The following KCNH7 variants were observed in gnomAD, a reference collection of about 807,000 sequenced individuals.
KCNH7 encodes potassium voltage-gated channel subfamily H member 7.
In KCNH7, 49 loss-of-function variants were observed where a neutral mutation model predicts 120.8. That is an observed-to-expected ratio of 0.41 (90% CI 0.32 to 0.51). The LOEUF is 0.51. Ranked by LOEUF, KCNH7 falls within the 20% of genes least tolerant of loss-of-function variation. The pLI is 0.38. For missense variants in KCNH7, 1,097 were observed against 1,446.6 expected, an observed-to-expected ratio of 0.76 and a Z score of 3.92; for synonymous variants, 547 against 516.1, an observed-to-expected ratio of 1.06 and a Z score of -0.81.
intron 2 of KCNH7, among the ~76,000 whole-genome samples, chr2:162,721,426 C>T (rs568005136): frequency 6.6e-6 from 1 of 152,058 alleles, no homozygotes; most frequent in Admixed American, 6.6e-5. Flanking sequence ...CCAATATCTA[C>T]ATAAGTGAAA....
At chr2:162,540,368 A>G (rs1692263142) in intron 2 of KCNH7, among the ~76,000 whole-genome samples, 1 of 152,108 alleles carries the variant, frequency 6.6e-6, no homozygotes, top group Non-Finnish European at 1.5e-5. Flanking sequence ...TAATTTTAAT[A>G]AAATTTTTAG....
chr2:162,480,127 T>C (rs1386060072), intron 6 of KCNH7, among the ~76,000 whole-genome samples: 1 of 152,152 alleles, frequency 6.6e-6, no homozygotes, highest in African/African-American at 2.4e-5. Flanking sequence ...TTCAGGTTAC[T>C]TACTTTAAGA....
At chr2:162,772,479 C>T (rs566992689) in intron 2 of KCNH7, among the ~76,000 whole-genome samples, 47 of 152,188 alleles carry the variant, frequency 3.1e-4, no homozygotes, top group African/African-American at 1.0e-3. Flanking sequence ...TTAAACATTT[C>T]TTTTTGCTCC....
chr2:162,723,997 G>A (rs1371636548), intron 2 of KCNH7, among the ~76,000 whole-genome samples: 1 of 152,176 alleles, frequency 6.6e-6, no homozygotes, highest in African/African-American at 2.4e-5. Flanking sequence ...AATACCTGCA[G>A]TTTATGTTGT....
At chr2:162,826,033 A>G (rs913008625) in intron 2 of KCNH7, among the ~76,000 whole-genome samples, 13 of 152,112 alleles carry the variant, frequency 8.5e-5, no homozygotes, top group African/African-American at 2.7e-4. Context: ...GAGTAGAGAT[A>G]TAAGTCCTTG....
intron 6 of KCNH7, among the ~76,000 whole-genome samples, chr2:162,496,684 T>C (rs1690510127): frequency 6.6e-6 from 1 of 152,302 alleles, no homozygotes; most frequent in East Asian, 1.9e-4. Context: ...ATCAGTATTG[T>C]GAATTTTGTT....
chr2:162,529,677 A>G (rs968661514), intron 3 of KCNH7, among the ~76,000 whole-genome samples: 1 of 151,948 alleles, frequency 6.6e-6, no homozygotes, highest in Non-Finnish European at 1.5e-5. Context: ...TCCATTTTTC[A>G]CATATATTCT....
At chr2:162,547,825 T>C (rs962929650) in intron 2 of KCNH7, among the ~76,000 whole-genome samples, 2 of 152,154 alleles carry the variant, frequency 1.3e-5, no homozygotes, top group Non-Finnish European at 2.9e-5. Flanking sequence ...GATTCTCTAC[T>C]GCAGCCAACA....
chr2:162,827,499 C>T (rs908261152), intron 2 of KCNH7, among the ~76,000 whole-genome samples: 4 of 148,554 alleles, frequency 2.7e-5, no homozygotes, highest in Middle Eastern at 3.4e-3. Context: ...TACTAGCTAT[C>T]CTCATTCTAC....
At chr2:162,760,395 A>T (rs1252250174) in intron 2 of KCNH7, among the ~76,000 whole-genome samples, 2 of 152,146 alleles carry the variant, frequency 1.3e-5, no homozygotes, top group South Asian at 2.1e-4. Flanking sequence ...ATTTGAAAAA[A>T]ATCACCATGT....
intron 2 of KCNH7, among the ~76,000 whole-genome samples, chr2:162,822,094 C>A (rs1410289631): frequency 3.5e-5 from 2 of 57,834 alleles, no homozygotes; most frequent in South Asian, 1.1e-3. Context: ...ATAATCTCCA[C>A]AATAAAGCCC....
intron 2 of KCNH7, among the ~76,000 whole-genome samples, chr2:162,830,694 T>C (rs1209460297): frequency 6.6e-6 from 1 of 151,980 alleles, no homozygotes; most frequent in Non-Finnish European, 1.5e-5. Flanking sequence ...TGTGATTAAG[T>C]CATATGGGCT....
chr2:162,559,054 CAAAA>C (rs780823559), intron 2 of KCNH7, among the ~76,000 whole-genome samples: 2 of 37,180 alleles, frequency 5.4e-5, no homozygotes, highest in African/African-American at 1.1e-4. Flanking sequence ...GACTCTGCCT[CAAAA>C]AAAAAAAAAA....
intron 12 of KCNH7, among the ~76,000 whole-genome samples, chr2:162,393,061 T>C (rs748202136): frequency 7.9e-5 from 12 of 151,926 alleles, no homozygotes; most frequent in Non-Finnish European, 1.6e-4. Flanking sequence ...GAGACCTAAT[T>C]TGAAGACTAA....
chr2:162,551,163 G>A (rs1303191417), intron 2 of KCNH7, among the ~76,000 whole-genome samples: 5 of 152,116 alleles, frequency 3.3e-5, no homozygotes. Context: ...TTCATCAGAA[G>A]GCGAGTTCTT....
At chr2:162,503,329 A>G (rs764785310) in intron 6 of KCNH7, among the ~76,000 whole-genome samples, 1 of 152,112 alleles carries the variant, frequency 6.6e-6, no homozygotes, top group African/African-American at 2.4e-5. Context: ...AAATGATGTC[A>G]ATAAAATGTG....
At position 162,446,463 on chromosome 2, in the gene KCNH7, T is replaced by C; in HGVS notation, c.1129-20A>G. On this transcript the variant is annotated intron_variant, in intron 6 of 15. Transcript: ENST00000332142. Reference sequence around the variant, plus strand: ...GAGAACCTGAATGTGCAAAAGAAAATCATACACTACATAAATATGCCATTT... The same window carrying C: ...GAGAACCTGAATGTGCAAAAGAAAACCATACACTACATAAATATGCCATTT... The C allele has an allele frequency of 6.4e-7, 1 of 1,569,310 alleles. No individual in the cohort carries two copies. Among genetic ancestry groups the C allele is most frequent in the Admixed American group, 1.8e-5 (1 of 55,782 alleles).
At chr2:162,628,703 T>TG (rs913963383) in intron 2 of KCNH7, among the ~76,000 whole-genome samples, 3 of 152,060 alleles carry the variant, frequency 2.0e-5, no homozygotes, top group African/African-American at 7.2e-5. Flanking sequence ...ATTTGTTTTT[T>TG]TTGTTGTTGT....
At chr2:162,463,561 A>G (rs1488491307) in intron 6 of KCNH7, among the ~76,000 whole-genome samples, 1 of 152,000 alleles carries the variant, frequency 6.6e-6, no homozygotes, top group Admixed American at 6.6e-5. Flanking sequence ...CTGCCCATAT[A>G]GTAAAAAGTC....
Sources: allele counts gnomAD v4.1 joint callset (sites outside exome capture counted in the v4.1 genomes callset), GRCh38; gene constraint gnomAD v4.1.1; transcripts MANE v1.5; gene names NCBI Gene and HGNC (gene_info 2026-07-23, HGNC 2026-07-21).